BEND2: variants seen among roughly 807,000 people sequenced by gnomAD.
BEND2 encodes the protein BEN domain-containing protein 2.
In BEND2, 19 loss-of-function variants were observed where a neutral mutation model predicts 43.8. That is an observed-to-expected ratio of 0.43 (90% CI 0.30 to 0.64). The LOEUF is 0.64. BEND2 is among the 30% of genes least tolerant of loss of function. The pLI is 0.11. For synonymous variants in BEND2, 226 were observed against 210.1 expected (o/e 1.08, Z -0.66); for missense variants, 544 against 574.0 (o/e 0.95, Z 0.53).
chrX:18,193,589 T>A (rs1924846853), intron 7 of BEND2, among the ~76,000 whole-genome samples: 1 of 111,448 alleles, frequency 9.0e-6, no homozygotes, highest in Non-Finnish European at 1.9e-5. Context: ...GAAGAATAGG[T>A]AAAGTGGAAG....
chrX:18,170,940 T>C (rs747986431), intron 13 of BEND2, 61 bp downstream of exon 13: 21 of 1,205,187 alleles, frequency 1.7e-5, no homozygotes, highest in Non-Finnish European at 2.4e-5. Context: ...TTCTTCTTTC[T>C]ACCCTTCTCT....
chrX:18,220,308 G>A (rs966677836), intron 1 of BEND2, among the ~76,000 whole-genome samples: 29 of 112,270 alleles, frequency 2.6e-4, no homozygotes, highest in African/African-American at 8.4e-4. Flanking sequence ...CCGGCGTCGC[G>A]AGCGCCGAGA....
intron 9 of BEND2, among the ~76,000 whole-genome samples, chrX:18,178,806 A>G (rs966619993): frequency 9.0e-6 from 1 of 111,399 alleles, no homozygotes; most frequent in Non-Finnish European, 1.9e-5. Context: ...AAAGTGGCTG[A>G]AGGTCATAAG....
At chrX:18,192,307 T>G (rs1447182786) in intron 7 of BEND2, among the ~76,000 whole-genome samples, 2 of 111,759 alleles carry the variant, frequency 1.8e-5, no homozygotes, top group Non-Finnish European at 3.8e-5. Flanking sequence ...GATAAAGACA[T>G]TCTCACATGA....
rs933709144 is a variant in BEND2, at chrX:18,174,075, G to A, written c.1936C>T (p.Arg646Ter). ...TCTGGATTATCAGTGGAAGGTTCTC[G>A]CATTCCTTCAGGGATAGCATTACTG... ...PNSNAIPEGMREPSTDNPEEP... is the reference protein window; with the variant it reads ...PNSNAIPEGM Residue 646 changes from arginine to a stop codon, truncating the protein, a stop_gained, in exon 12 of 14, where the codon CGA (arginine) becomes TGA (stop). Transcript: ENST00000380033. LOFTEE classifies it high-confidence loss of function. The A allele has an allele frequency of 8.3e-6, 10 of 1,209,037 alleles. No individual in the cohort carries two copies. Among genetic ancestry groups the A allele is most frequent in the African/African-American group, 5.3e-5 (3 of 56,935 alleles).
intron 8 of BEND2, among the ~76,000 whole-genome samples, chrX:18,181,953 C>A (rs750839787): frequency 8.1e-5 from 9 of 111,255 alleles, no homozygotes; most frequent in Non-Finnish European, 1.5e-4. Flanking sequence ...CAGCAATTGA[C>A]CAAGTAGATA....
intron 6 of BEND2, among the ~76,000 whole-genome samples, chrX:18,201,419 A>AC (rs1925152875): frequency 4.6e-5 from 3 of 65,309 alleles, no homozygotes; most frequent in Non-Finnish European, 8.8e-5. Context: ...AAAAAAAAAC[A>AC]AAAAAAAAAA....
chrX:18,189,889 A>C (rs187412135), intron 8 of BEND2, among the ~76,000 whole-genome samples: 2 of 110,422 alleles, frequency 1.8e-5, no homozygotes, highest in African/African-American at 6.6e-5. Flanking sequence ...TCTACTAAAA[A>C]AATACAAAAA....
At chrX:18,191,821 T>C (rs1054126078) in intron 7 of BEND2, among the ~76,000 whole-genome samples, 3 of 111,912 alleles carry the variant, frequency 2.7e-5, no homozygotes, top group Non-Finnish European at 5.6e-5. Flanking sequence ...ACTGGGGACA[T>C]CTCAATAATA....
chrX:18,199,196 G>GTAT (rs771280186), intron 6 of BEND2, among the ~76,000 whole-genome samples: 19 of 110,009 alleles, frequency 1.7e-4, no homozygotes, highest in Non-Finnish European at 3.4e-4. Context: ...AAAACTTAAA[G>GTAT]TATAATAATA....
rs1431253548 is a variant in BEND2 at position 18,202,223 on chromosome X, G to T, written c.908-283C>A. Among the ~76,000 whole-genome samples the T allele has an allele frequency of 3.6e-5, 4 of 112,164 alleles. No homozygotes were observed. The Admixed American group carries it at 3.8e-4, about 11-fold the overall frequency. ...AGAGAAAGTAGATCACCCATATATA[G>T]CTGGCAAGAATGTCAGATGATACAG... On this transcript the variant is annotated intron_variant, in intron 5 of 13. Coordinates refer to ENST00000380033, the MANE Select transcript of BEND2 (RefSeq NM_153346.5).
chrX:18,182,064 T>C (rs1924402276), intron 8 of BEND2, among the ~76,000 whole-genome samples: 1 of 111,642 alleles, frequency 9.0e-6, no homozygotes, highest in African/African-American at 3.3e-5. Flanking sequence ...ATAACATAAG[T>C]AGATTAAAAG....
At chrX:18,199,811 A>G (rs1925081865) in intron 6 of BEND2, among the ~76,000 whole-genome samples, 1 of 111,694 alleles carries the variant, frequency 9.0e-6, no homozygotes, top group East Asian at 2.8e-4. Context: ...AAGGCTGAAG[A>G]AAAGTATTCA....
At chrX:18,206,831 C>T (rs1431024570) in intron 4 of BEND2, among the ~76,000 whole-genome samples, 4 of 111,709 alleles carry the variant, frequency 3.6e-5, no homozygotes, top group Non-Finnish European at 7.5e-5. Context: ...GGGCGTCCTC[C>T]TCTGCTCCCA....
intron 4 of BEND2, among the ~76,000 whole-genome samples, chrX:18,210,153 G>C (rs1925461180): frequency 9.1e-6 from 1 of 110,397 alleles, no homozygotes; most frequent in Non-Finnish European, 1.9e-5. Context: ...TCAGGAGAGA[G>C]AGATATTTCC....
intron 6 of BEND2, among the ~76,000 whole-genome samples, chrX:18,200,682 T>C (rs1925115242): frequency 9.1e-6 from 1 of 110,343 alleles, no homozygotes; most frequent in African/African-American, 3.3e-5. Context: ...AGAGAACAGA[T>C]CAGTAGTTAC....
chrX:18,165,187 G>A lies in BEND2; in HGVS notation c.2222C>T (p.Ser741Leu). The A allele has an allele frequency of 5.0e-6, 6 of 1,209,808 alleles. No homozygotes were observed. Among genetic ancestry groups the A allele is most frequent in the Non-Finnish European group, 6.7e-6 (6 of 894,834 alleles). The part of the protein sequence containing the change: ...LQENYPICDL[S>L]ENGRDWKSCV... ...CGACTTCCAGTCTCTTCCATTTTCC[G>A]AGAGATCACAAATTGGGTAGTTTTC... The change falls in exon 14 of 14, where the codon TCG becomes TTG. Residue 741 changes from serine to leucine, a missense_variant. Transcript: ENST00000380033.
chrX:18,204,059 G>A, intron 4 of BEND2, 144 bp from the exon 5 acceptor site: 1 of 478,132 alleles, frequency 2.1e-6, no homozygotes, highest in South Asian at 7.4e-5. Context: ...TAAGTCAACT[G>A]TAACTTAAAA....
chrX:18,192,709 T>C (rs1381293038), intron 7 of BEND2, among the ~76,000 whole-genome samples: 1 of 112,437 alleles, frequency 8.9e-6, no homozygotes, highest in East Asian at 2.8e-4. Flanking sequence ...TATCTTCCAA[T>C]GGGTGAATGA....
Sources: allele counts gnomAD v4.1 joint callset (sites outside exome capture counted in the v4.1 genomes callset), GRCh38; gene constraint gnomAD v4.1.1; transcripts MANE v1.5; gene names NCBI Gene and HGNC (gene_info 2026-07-23, HGNC 2026-07-21).